The following SH3BP5 variants were observed in gnomAD, a reference collection of about 807,000 sequenced individuals.
SH3BP5 encodes SH3 domain-binding protein 5.
A neutral mutation model predicts 43.3 loss-of-function variants in SH3BP5; 22 were observed. That is an observed-to-expected ratio of 0.51 (90% CI 0.36 to 0.73). The LOEUF is 0.73. SH3BP5 is among the 30% of genes least tolerant of loss of function. SH3BP5 has a pLI of 0.00. For synonymous variants in SH3BP5, 255 were observed against 225.8 expected (o/e 1.13, Z -1.16); for missense variants, 529 against 586.9 (o/e 0.90, Z 1.02).
intron 2 of SH3BP5, among the ~76,000 whole-genome samples, chr3:15,326,667 G>A (rs934769632): frequency 1.3e-5 from 2 of 152,202 alleles, no homozygotes; most frequent in African/African-American, 4.8e-5. Context: ...CAGGAGCGAC[G>A]TTCTGCCTCC....
intron 5 of SH3BP5, among the ~76,000 whole-genome samples, chr3:15,261,184 C>T (rs565272737): frequency 6.6e-6 from 1 of 152,156 alleles, no homozygotes; most frequent in Admixed American, 6.5e-5. Context: ...CCTGACACAC[C>T]AAAAACCAAA....
chr3:15,283,168 C>G lies in SH3BP5; in HGVS notation c.331-13291G>C, dbSNP rs144206283. Among the ~76,000 whole-genome samples, 574 of 152,256 alleles carry G rather than the reference C, an allele frequency of 3.8e-3. 1 individual carries two copies. The highest frequency in any genetic ancestry group is 0.013 in the African/African-American group (549 of 41,558). On this transcript the variant is annotated intron_variant, in intron 3 of 8. Coordinates refer to ENST00000383791, the MANE Select transcript of SH3BP5 (RefSeq NM_004844.5). ...ATCTCAGCACTTTGGGAGGCCAAGG[C>G]GGGTGGATCACATGAGGCCAGAAGT...
chr3:15,274,997 A>G (rs1265663298), intron 3 of SH3BP5, among the ~76,000 whole-genome samples: 1 of 152,170 alleles, frequency 6.6e-6, no homozygotes, highest in Non-Finnish European at 1.5e-5. Context: ...CGCTGATTAC[A>G]ATTCGACAGG....
intron 5 of SH3BP5, chr3:15,260,014 A>G (rs958393853): frequency 1.2e-5 from 7 of 594,854 alleles, no homozygotes; most frequent in South Asian, 2.0e-5. Flanking sequence ...ACCCAGGGCT[A>G]TATTAACAGG....
intron 3 of SH3BP5, among the ~76,000 whole-genome samples, chr3:15,282,783 T>G (rs1211078540): frequency 6.6e-6 from 1 of 151,932 alleles, no homozygotes; most frequent in Non-Finnish European, 1.5e-5. Context: ...GATAAATCTA[T>G]GAACAGCTTT....
At chr3:15,256,488 T>C in intron 8 of SH3BP5, 185 bp from the exon 9 acceptor site, 2 of 654,942 alleles carry the variant, frequency 3.1e-6, no homozygotes, top group South Asian at 3.7e-5. Context: ...AGGTTCTCAG[T>C]ACATAATCAT....
chr3:15,260,223 T>TA (rs1332797972), intron 5 of SH3BP5: 4 of 209,818 alleles, frequency 1.9e-5, no homozygotes, highest in Non-Finnish European at 3.9e-5. Flanking sequence ...AGGGGCTGCT[T>TA]AAACCTCCTC....
intron 1 of SH3BP5, among the ~76,000 whole-genome samples, chr3:15,340,202 A>G (rs1452128895): frequency 6.6e-6 from 1 of 152,236 alleles, no homozygotes; most frequent in Non-Finnish European, 1.5e-5. Context: ...AAATCCACTT[A>G]TAAAGGAAGC....
upstream of SH3BP5, among the ~76,000 whole-genome samples, chr3:15,333,668 T>G (rs1228587447): frequency 6.6e-6 from 1 of 152,108 alleles, no homozygotes; most frequent in Admixed American, 6.6e-5. Context: ...CTCCTGGTGG[T>G]TTTATCAGAA....
At chr3:15,296,339 T>TACACACAC (rs571693138) in intron 3 of SH3BP5, among the ~76,000 whole-genome samples, 4 of 126,490 alleles carry the variant, frequency 3.2e-5, no homozygotes, top group East Asian at 2.8e-4. Flanking sequence ...GGGGAAATCA[T>TACACACAC]ATACACACAC....
At chr3:15,263,706 T>G (rs750570244) in intron 4 of SH3BP5, among the ~76,000 whole-genome samples, 2 of 152,152 alleles carry the variant, frequency 1.3e-5, no homozygotes, top group Non-Finnish European at 2.9e-5. Flanking sequence ...ATGGGCAATG[T>G]TAATTCTCTC....
At chr3:15,329,083 G>A (rs1175705934) in intron 2 of SH3BP5, among the ~76,000 whole-genome samples, 1 of 152,024 alleles carries the variant, frequency 6.6e-6, no homozygotes, top group African/African-American at 2.4e-5. Context: ...CCAGGAGGTG[G>A]AAGTTGCAGT....
chr3:15,264,585 AAAC>A (rs1375706458), intron 4 of SH3BP5: 4 of 152,342 alleles, frequency 2.6e-5, no homozygotes, highest in South Asian at 2.1e-4. Context: ...AAAAACAGAA[AAAC>A]AACAAAATCA....
intron 6 of SH3BP5, chr3:15,259,558 A>T (rs940836942): frequency 1.5e-6 from 1 of 665,480 alleles, no homozygotes; most frequent in Non-Finnish European, 2.7e-6. Context: ...ACAACAGAGA[A>T]GGTGACTGAA....
intron 2 of SH3BP5, among the ~76,000 whole-genome samples, chr3:15,321,582 A>G (rs912113434): frequency 5.3e-5 from 8 of 151,510 alleles, no homozygotes; most frequent in Non-Finnish European, 1.2e-4. Context: ...ACAGATGGTC[A>G]TTGTAAATAT....
chr3:15,267,210 C>T (rs886272122), intron 4 of SH3BP5, among the ~76,000 whole-genome samples: 4 of 152,198 alleles, frequency 2.6e-5, no homozygotes, highest in Admixed American at 6.5e-5. Context: ...CTGGGGGAAA[C>T]GCTAAGTCCA....
At chr3:15,322,440 T>C (rs979854903) in intron 2 of SH3BP5, among the ~76,000 whole-genome samples, 2 of 152,218 alleles carry the variant, frequency 1.3e-5, no homozygotes, top group African/African-American at 4.8e-5. Context: ...TACATGTTCA[T>C]GAGCCAACAT....
intron 3 of SH3BP5, among the ~76,000 whole-genome samples, chr3:15,293,130 G>A (rs1697460251): frequency 6.6e-6 from 1 of 152,244 alleles, no homozygotes; most frequent in Non-Finnish European, 1.5e-5. Flanking sequence ...TTCAGGCGAA[G>A]GAGAGTTAAG....
chr3:15,315,927 C>T (rs1418342996), intron 2 of SH3BP5, among the ~76,000 whole-genome samples: 2 of 152,166 alleles, frequency 1.3e-5, no homozygotes, highest in Admixed American at 6.5e-5. Context: ...AAAGATGAGG[C>T]CATCCACTTA....
Sources: allele counts gnomAD v4.1 joint callset (sites outside exome capture counted in the v4.1 genomes callset), GRCh38; gene constraint gnomAD v4.1.1; transcripts MANE v1.5; gene names NCBI Gene and HGNC (gene_info 2026-07-23, HGNC 2026-07-21).